Variants in ZC3H12B observed in about 807,000 individuals in gnomAD.
The protein encoded by ZC3H12B is probable ribonuclease ZC3H12B.
ZC3H12B carries 7 observed loss-of-function variants against 43.9 expected under a neutral mutation model. The ratio of observed to expected loss-of-function variants is 0.16; its 90% CI spans 0.09 to 0.30. ZC3H12B has a LOEUF of 0.30. ZC3H12B is among the 10% of genes least tolerant of loss of function. The probability of loss-of-function intolerance (pLI) is 1.00; values close to 1 mark genes in which losing one functional copy is unlikely to be tolerated. For missense variants in ZC3H12B, 475 were observed against 670.2 expected (o/e 0.71, Z 3.22); for synonymous variants, 222 against 241.7 (o/e 0.92, Z 0.76).
At chrX:65,157,102 C>T in the ZC3H12B span, among the ~76,000 whole-genome samples, 5 of 111,039 alleles carry the variant, frequency 4.5e-5, no homozygotes, top group African/African-American at 1.6e-4. Context: ...CTACCTCAGC[C>T]TCCCAAGTAG....
chrX:65,322,314 G>A, the ZC3H12B span, among the ~76,000 whole-genome samples: 1 of 111,916 alleles, frequency 8.9e-6, no homozygotes, highest in Non-Finnish European at 1.9e-5. Context: ...CCCCATGACT[G>A]GAACAGCTTC....
chrX:65,137,352 A>C, the ZC3H12B span, among the ~76,000 whole-genome samples: 1 of 112,352 alleles, frequency 8.9e-6, no homozygotes, highest in Non-Finnish European at 1.9e-5. Context: ...GGGAAAAATT[A>C]ATAAAATTTC....
the ZC3H12B span, among the ~76,000 whole-genome samples, chrX:65,350,518 GA>G: frequency 3.6e-5 from 4 of 111,667 alleles, no homozygotes; most frequent in Non-Finnish European, 5.6e-5. Flanking sequence ...ATTGAAATAG[GA>G]AGAGAGGAAG....
chrX:65,215,053 G>A, the ZC3H12B span, among the ~76,000 whole-genome samples: 2 of 111,083 alleles, frequency 1.8e-5, no homozygotes, highest in East Asian at 2.8e-4. Context: ...TCCCAAAAAC[G>A]GGCTTAATAT....
At chrX:65,380,961 T>C (rs1003449193) in intron 2 of ZC3H12B, among the ~76,000 whole-genome samples, 3 of 111,497 alleles carry the variant, frequency 2.7e-5, no homozygotes, top group African/African-American at 6.5e-5. Flanking sequence ...AAGCAAGTCC[T>C]GAGTGACCTG....
At chrX:65,426,059 G>A (rs2067077748) in intron 3 of ZC3H12B, among the ~76,000 whole-genome samples, 1 of 108,575 alleles carries the variant, frequency 9.2e-6, no homozygotes, top group Admixed American at 9.9e-5. Flanking sequence ...TGTACCTCTG[G>A]TAGAATTCAG....
the ZC3H12B span, among the ~76,000 whole-genome samples, chrX:65,306,354 C>A: frequency 9.0e-6 from 1 of 111,669 alleles, no homozygotes; most frequent in Non-Finnish European, 1.9e-5. Flanking sequence ...TTCAGCCATT[C>A]CACTCTTAGA....
the ZC3H12B span, among the ~76,000 whole-genome samples, chrX:65,152,463 G>A: frequency 1.8e-5 from 2 of 111,286 alleles, no homozygotes; most frequent in African/African-American, 6.5e-5. Context: ...AATCATGAGT[G>A]AACTCCCATT....
At chrX:65,369,164 C>T (rs1271675777) in intron 2 of ZC3H12B, among the ~76,000 whole-genome samples, 166 bp downstream of exon 4, 1 of 111,553 alleles carries the variant, frequency 9.0e-6, no homozygotes, top group Non-Finnish European at 1.9e-5. Context: ...AAAATCTGAA[C>T]AACTCAGTTA....
At chrX:65,196,140 T>G in the ZC3H12B span, among the ~76,000 whole-genome samples, 1 of 48,190 alleles carries the variant, frequency 2.1e-5, no homozygotes, top group South Asian at 1.4e-3. Context: ...CCCCCGCAGC[T>G]AGTGCCCCCT....
the ZC3H12B span, among the ~76,000 whole-genome samples, chrX:65,113,754 C>T: frequency 9.2e-6 from 1 of 108,609 alleles, no homozygotes; most frequent in South Asian, 4.1e-4. Context: ...CTAGCAAAAA[C>T]ATTCCAACTC....
At chrX:65,202,077 A>G in the ZC3H12B span, among the ~76,000 whole-genome samples, 6 of 89,104 alleles carry the variant, frequency 6.7e-5, no homozygotes, top group Non-Finnish European at 1.1e-4. Flanking sequence ...TATATATTAC[A>G]TATAATATAT....
At chrX:65,118,358 CTGTT>C in the ZC3H12B span, among the ~76,000 whole-genome samples, 46 of 111,524 alleles carry the variant, frequency 4.1e-4, 1 homozygote, top group South Asian at 4.5e-3. Context: ...ATTTGGCTCT[CTGTT>C]TGTCTGTTAT....
At chrX:65,107,282 G>T in the ZC3H12B span, among the ~76,000 whole-genome samples, 522 of 111,014 alleles carry the variant, frequency 4.7e-3, 4 homozygotes, top group African/African-American at 0.016. Flanking sequence ...CAAAAGCTTT[G>T]TGGGGCAGAG....
At chrX:65,319,705 C>T in the ZC3H12B span, among the ~76,000 whole-genome samples, 1 of 111,275 alleles carries the variant, frequency 9.0e-6, no homozygotes, top group East Asian at 2.8e-4. Context: ...TCTAGCAGCA[C>T]ATCAAAAAGC....
the ZC3H12B span, among the ~76,000 whole-genome samples, chrX:65,259,637 A>C: frequency 8.9e-6 from 1 of 112,370 alleles, no homozygotes; most frequent in Non-Finnish European, 1.9e-5. Flanking sequence ...GTAAAATAGT[A>C]TAACCATTAT....
At chrX:65,169,191 A>G in the ZC3H12B span, among the ~76,000 whole-genome samples, 1 of 111,233 alleles carries the variant, frequency 9.0e-6, no homozygotes, top group East Asian at 2.8e-4. Context: ...ATTTTCTTCT[A>G]CACATTGCTT....
chrX:65,155,433 T>C, the ZC3H12B span, among the ~76,000 whole-genome samples: 1 of 112,120 alleles, frequency 8.9e-6, no homozygotes, highest in Non-Finnish European at 1.9e-5. Flanking sequence ...AAACCCACTT[T>C]GATCTTTTCT....
intron 3 of ZC3H12B, among the ~76,000 whole-genome samples, chrX:65,479,124 T>C (rs1226465967): frequency 4.5e-5 from 5 of 111,594 alleles, no homozygotes; most frequent in Non-Finnish European, 9.4e-5. Flanking sequence ...CAGATAATAA[T>C]AATTCTATGG....
Sources: gnomAD v4.1 joint callset for allele counts (sites outside exome capture counted in the v4.1 genomes callset) on GRCh38, gnomAD v4.1.1 for gene constraint, MANE v1.5 for transcripts, NCBI Gene and HGNC (gene_info 2026-07-23, HGNC 2026-07-21) for gene names.